Variants in PCDHGA3 observed in about 807,000 individuals in gnomAD.
The protein encoded by PCDHGA3 is protocadherin gamma subfamily A, 3, also known as protocadherin gamma-A3.
A neutral mutation model predicts 58.5 loss-of-function variants in PCDHGA3; 40 were observed. The observed-to-expected ratio is 0.68, with a 90% confidence interval of 0.53 to 0.89. The LOEUF (loss-of-function observed/expected upper bound fraction) is 0.89, where lower values mean the gene tolerates loss of function less well. Ranked by LOEUF, PCDHGA3 falls within the 40% of genes least tolerant of loss-of-function variation. PCDHGA3 has a pLI of 0.00. For missense variants in PCDHGA3, 1,223 were observed against 1,195.9 expected (o/e 1.02, Z -0.33); for synonymous variants, 530 against 525.7 (o/e 1.01, Z -0.11).
chr5:141,368,929 T>C (rs1183733565), intron 1 of PCDHGA3, among the ~76,000 whole-genome samples: 1 of 152,228 alleles, frequency 6.6e-6, no homozygotes, highest in Non-Finnish European at 1.5e-5. Context: ...AGTGTCTGTC[T>C]AGAATTCTGG....
At chr5:141,446,143 T>G (rs2098490523) in intron 1 of PCDHGA3, among the ~76,000 whole-genome samples, 1 of 152,204 alleles carries the variant, frequency 6.6e-6, no homozygotes, top group Admixed American at 6.5e-5. Flanking sequence ...AATAATGGAA[T>G]AGGTGGAATA....
rs758172625 is a variant in PCDHGA3 at position 141,365,486 on chromosome 5, A to G, written c.2424+19029A>G. The G allele has an allele frequency of 3.7e-6, 6 of 1,613,992 alleles. No individual in the cohort carries two copies. The East Asian group carries it at 8.9e-5, about 24-fold the overall frequency. On this transcript the variant is annotated intron_variant, in intron 1 of 3. Coordinates refer to ENST00000253812, the MANE Select transcript of PCDHGA3 (RefSeq NM_018916.4). ...AGAAAATGGTGAGATTGCATGCTCT[A>G]TTCCTAGGAATTTGCCTTTTAAATT...
chr5:141,372,773 T>G (rs1220480316), intron 1 of PCDHGA3: 1 of 1,610,720 alleles, frequency 6.2e-7, no homozygotes, highest in Non-Finnish European at 8.5e-7. Flanking sequence ...GTAATGACAA[T>G]CCAGAAATGC....
Position 141,372,598 on chromosome 5 carries a change from C to CTGTA in PCDHGA3, c.2424+26142_2424+26145dup, listed in dbSNP as rs763694061. The CTGTA allele has an allele frequency of 6.2e-6, 10 of 1,614,046 alleles. No individual in the cohort carries two copies. In the South Asian group the frequency reaches 1.1e-4, roughly 18 times the overall value. On this transcript the variant is annotated intron_variant, in intron 1 of 3. Coordinates refer to ENST00000253812, the MANE Select transcript of PCDHGA3 (RefSeq NM_018916.4). ...TTTCAGCCTGGTGTCTGCTTCAAGA[C>CTGTA]TGTACCTGGAGTTCTCCCCACCTAC...
chr5:141,511,823 G>A lies in PCDHGA3; in HGVS notation c.*650G>A, dbSNP rs1490513046. On this transcript the variant is annotated 3_prime_UTR_variant, in exon 4 of 4. Transcript: ENST00000253812. ...TTTTGCTACCAAGCCTCTTCCCAACGCCCTGGGGACCAGTCTTCTGTTTTG... is the reference window on the plus strand; with the variant it reads ...TTTTGCTACCAAGCCTCTTCCCAACACCCTGGGGACCAGTCTTCTGTTTTG... 4 of 156,728 alleles carry A rather than the reference G, an allele frequency of 2.6e-5. No homozygotes were observed. The highest frequency in any genetic ancestry group is 3.2e-3 in the Middle Eastern group (1 of 316). 9.7% of individuals were successfully genotyped at this position (156,728 alleles called of 1,614,324 possible). A position where few individuals can be genotyped will look rare whatever the true frequency, so the allele number is the denominator to read the frequency against.
intron 1 of PCDHGA3, chr5:141,410,843 C>CTT: frequency 4.6e-6 from 1 of 216,280 alleles, no homozygotes; most frequent in South Asian, 8.0e-5. Flanking sequence ...GATATTTTGT[C>CTT]TTTGTCTTTT....
chr5:141,363,552 C>T (rs1762968351), intron 1 of PCDHGA3, among the ~76,000 whole-genome samples: 1 of 152,190 alleles, frequency 6.6e-6, no homozygotes, highest in Admixed American at 6.5e-5. Context: ...AATATTTGAA[C>T]ATGGTAATAG....
intron 2 of PCDHGA3, among the ~76,000 whole-genome samples, chr5:141,496,955 G>T (rs2099772887): frequency 6.6e-6 from 1 of 152,006 alleles, no homozygotes; most frequent in African/African-American, 2.4e-5. Context: ...GGAGGCCAAG[G>T]TGGGTAGATC....
chr5:141,348,459 A>G (rs1758124154), intron 1 of PCDHGA3, among the ~76,000 whole-genome samples: 1 of 152,228 alleles, frequency 6.6e-6, no homozygotes, highest in Non-Finnish European at 1.5e-5. Flanking sequence ...AAATGTTTAT[A>G]GTATTAGTAT....
At chr5:141,363,237 CATTTTCTACA>C (rs1481168613) in intron 1 of PCDHGA3, among the ~76,000 whole-genome samples, 1 of 152,240 alleles carries the variant, frequency 6.6e-6, no homozygotes, top group Non-Finnish European at 1.5e-5. Context: ...ATGTTCACAT[CATTTTCTACA>C]AAATATTACT....
chr5:141,351,389 A>G (rs1758708224), intron 1 of PCDHGA3: 1 of 1,612,074 alleles, frequency 6.2e-7, no homozygotes, highest in Non-Finnish European at 8.5e-7. Context: ...GCAAAATGGC[A>G]TGGTGACATG....
chr5:141,422,431 T>G, intron 1 of PCDHGA3: 1 of 1,608,846 alleles, frequency 6.2e-7, no homozygotes, highest in Non-Finnish European at 8.5e-7. Flanking sequence ...TTATGGAAAT[T>G]ATTACAAATT....
intron 1 of PCDHGA3, chr5:141,422,710 G>T: frequency 6.2e-7 from 1 of 1,603,486 alleles, no homozygotes; most frequent in African/African-American, 1.3e-5. Context: ...TCTGACGGAT[G>T]ACACTGTCCA....
intron 1 of PCDHGA3, chr5:141,400,083 C>T (rs1396687812): frequency 6.2e-7 from 1 of 1,614,048 alleles, no homozygotes; most frequent in Non-Finnish European, 8.5e-7. Context: ...CACTCTCCGC[C>T]ACCGCCACGC....
Position 141,491,445 on chromosome 5 carries a change from C to G in PCDHGA3, c.2425-3362C>G. ...GAGGGCAGTGCTGCAGGCGCCAGGACTCACCCTCCCCGGACTTCTATAAGC... is the reference window on the plus strand; with the variant it reads ...GAGGGCAGTGCTGCAGGCGCCAGGAGTCACCCTCCCCGGACTTCTATAAGC... On this transcript the variant is annotated intron_variant, in intron 1 of 3. Coordinates refer to ENST00000253812, the MANE Select transcript of PCDHGA3 (RefSeq NM_018916.4). This position sits in a 1 kb window ranked among gnomAD's most constrained non-coding sequence, Gnocchi z 6.9. 6.2e-7 allele frequency: 1 copy of G among 1,614,112 alleles called. No individual in the cohort carries two copies. Among genetic ancestry groups the G allele is most frequent in the Non-Finnish European group, 8.5e-7 (1 of 1,180,032 alleles).
chr5:141,419,461 C>T, intron 1 of PCDHGA3: 2 of 1,612,628 alleles, frequency 1.2e-6, no homozygotes, highest in Non-Finnish European at 1.7e-6. Flanking sequence ...CGCTGCAGGC[C>T]CGCGACCAGG....
intron 1 of PCDHGA3, 157 bp from the exon 2 acceptor site, chr5:141,494,650 T>G (rs1366776271): frequency 1.0e-6 from 1 of 960,138 alleles, no homozygotes; most frequent in East Asian, 1.1e-4. Context: ...CTGAGGTGTA[T>G]TTTGTCTTTG....
chr5:141,371,947 G>A (rs1208928523), intron 1 of PCDHGA3: 3 of 1,613,182 alleles, frequency 1.9e-6, no homozygotes, highest in Admixed American at 3.3e-5. Context: ...TTCGCGCAGC[G>A]AGCCTTCGAC....
At chr5:141,384,149 T>A in intron 1 of PCDHGA3, 1 of 1,613,370 alleles carries the variant, frequency 6.2e-7, no homozygotes, top group Non-Finnish European at 8.5e-7. Flanking sequence ...ACACTCTCTT[T>A]GTATAACATC....
Sources: allele counts gnomAD v4.1 joint callset (sites outside exome capture counted in the v4.1 genomes callset), GRCh38; gene constraint gnomAD v4.1.1; non-coding constraint Gnocchi (gnomAD v3.1); transcripts MANE v1.5; gene names NCBI Gene and HGNC (gene_info 2026-07-23, HGNC 2026-07-21).